Variants in PHF8 observed in about 807,000 individuals in gnomAD.
PHF8 encodes the protein histone lysine demethylase PHF8.
In PHF8, 9 loss-of-function variants were observed where a neutral mutation model predicts 74.4. That is an observed-to-expected ratio of 0.12 (90% CI 0.07 to 0.21). The LOEUF (loss-of-function observed/expected upper bound fraction) is 0.21. Ranked by LOEUF, PHF8 falls within the 10% of genes least tolerant of loss-of-function variation. The pLI, the probability that PHF8 is intolerant of heterozygous loss-of-function variation, is 1.00. For missense variants in PHF8, 478 were observed against 816.6 expected, an observed-to-expected ratio of 0.59 and a Z score of 5.05; for synonymous variants, 311 against 316.6, an observed-to-expected ratio of 0.98 and a Z score of 0.19.
In PHF8 at chrX:53,992,858, C is replaced by T; in HGVS notation, c.1627-19G>A. 1 of 1,023,043 alleles carries T rather than the reference C, an allele frequency of 9.8e-7. No homozygotes were observed. The highest frequency in any genetic ancestry group is 1.4e-6 in the Non-Finnish European group (1 of 726,556). The allele number at this position is 1,023,043 out of a possible 1,213,427, so 84.3% of individuals were successfully genotyped here. ...TGTTGAACTGTAGAAGTAGGAGACT[C>T]AGCCGTTACCTGTCTGGGACTCCCA... On this transcript the variant is annotated intron_variant, in intron 13 of 21. Coordinates refer to ENST00000338154, the MANE Select transcript of PHF8 (RefSeq NM_015107.3).
chrX:53,978,751 T>A lies in PHF8; in HGVS notation c.2443+6163A>T, dbSNP rs1338162362. Among the ~76,000 whole-genome samples the A allele has an allele frequency of 1.8e-4, 17 of 94,972 alleles. No homozygotes were observed. The Admixed American group carries it at 2.0e-3, about 11-fold the overall frequency. The allele number at this position is 94,972 out of a possible 115,157, so 82.5% of individuals were successfully genotyped here. ...AGGCAGAGGTTGCAGTGAGCCAAGA[T>A]CACGCCATTGCCCTCCAGCCCAGGC... On this transcript the variant is annotated intron_variant, in intron 18 of 21. Coordinates refer to ENST00000338154, the MANE Select transcript of PHF8 (RefSeq NM_015107.3).
chrX:53,964,962 G>A (rs1282055226), intron 18 of PHF8, among the ~76,000 whole-genome samples: 1 of 110,291 alleles, frequency 9.1e-6, no homozygotes, highest in Non-Finnish European at 1.9e-5. Context: ...TACAGTTTAA[G>A]TGTTGCAAGA....
At chrX:54,030,156 A>T (rs2066331186) in intron 2 of PHF8, among the ~76,000 whole-genome samples, 1 of 111,274 alleles carries the variant, frequency 9.0e-6, no homozygotes, top group African/African-American at 3.3e-5. Flanking sequence ...GTCTGTCCCC[A>T]CTACATTTGC....
chrX:53,949,205 C>T (rs781877176), intron 19 of PHF8, among the ~76,000 whole-genome samples: 121 of 110,378 alleles, frequency 1.1e-3, no homozygotes, highest in African/African-American at 3.5e-3. Context: ...TGTGGTGGCA[C>T]GTGCCTGTAA....
rs782044481 is a variant in PHF8 at position 53,987,172 on chromosome X, C to T, written c.1910-9G>A. On this transcript the variant is annotated splice_polypyrimidine_tract_variant and intron_variant, in intron 15 of 21. Transcript: ENST00000338154. ...CAATTTCCGGGGAAATTCTAGAAAA[C>T]AATGGAATGCACTTATTATGAAGCT... 9.2e-7 allele frequency: 1 copy of T among 1,081,681 alleles called. No individual in the cohort carries two copies. Among genetic ancestry groups the T allele is most frequent in the Admixed American group, 2.2e-5 (1 of 45,765 alleles). The allele number at this position is 1,081,681 out of a possible 1,213,427, so 89.1% of individuals were successfully genotyped here. A position where few individuals can be genotyped will look rare whatever the true frequency, so the allele number is the denominator to read the frequency against.
chrX:53,956,063 A>G (rs1418286766), intron 19 of PHF8, among the ~76,000 whole-genome samples: 1 of 111,106 alleles, frequency 9.0e-6, no homozygotes, highest in East Asian at 2.8e-4. Context: ...CCTAGCCAAC[A>G]TGGTAAAATC....
intron 2 of PHF8, among the ~76,000 whole-genome samples, chrX:54,027,922 GA>G (rs1256494703): frequency 9.5e-6 from 1 of 105,095 alleles, no homozygotes; most frequent in African/African-American, 3.5e-5. Context: ...GACCTAGGTA[GA>G]AAAAAAAACA....
At chrX:53,995,888 A>G in intron 11 of PHF8, 106 bp from the exon 12 acceptor site, 1 of 475,531 alleles carries the variant, frequency 2.1e-6, no homozygotes, top group South Asian at 3.2e-5. Flanking sequence ...CTTTTCAACA[A>G]ATGATTCTGG....
chrX:54,018,720 A>C (rs2066114684), intron 4 of PHF8, among the ~76,000 whole-genome samples: 1 of 109,793 alleles, frequency 9.1e-6, no homozygotes, highest in Non-Finnish European at 1.9e-5. Flanking sequence ...TCCAGGGTTC[A>C]AGCGATTCTC....
At chrX:54,002,289 A>C in intron 9 of PHF8, 28 bp from the exon 10 acceptor site, 1 of 948,299 alleles carries the variant, frequency 1.1e-6, no homozygotes, top group Non-Finnish European at 1.5e-6. Flanking sequence ...CAACAACAAA[A>C]ACAAGGATTC....
chrX:54,020,266 C>T (rs2066147890), intron 4 of PHF8, among the ~76,000 whole-genome samples: 1 of 112,333 alleles, frequency 8.9e-6, no homozygotes, highest in African/African-American at 3.2e-5. Context: ...ACCCTCCGCA[C>T]ATTATCTGTG....
At chrX:53,982,748 T>C (rs1557098410) in intron 18 of PHF8, among the ~76,000 whole-genome samples, 1 of 112,116 alleles carries the variant, frequency 8.9e-6, no homozygotes, top group Non-Finnish European at 1.9e-5. Context: ...ACTACTGATG[T>C]GGAAAAAAAT....
At chrX:54,036,117 A>G (rs1487450665) in intron 2 of PHF8, among the ~76,000 whole-genome samples, 3 of 108,871 alleles carry the variant, frequency 2.8e-5, no homozygotes, top group Non-Finnish European at 5.7e-5. Context: ...AAAAAAAAAA[A>G]AAAGAAAAGA....
At chrX:53,949,248 T>A (rs781823053) in intron 19 of PHF8, among the ~76,000 whole-genome samples, 61 of 109,932 alleles carry the variant, frequency 5.5e-4, no homozygotes, top group African/African-American at 1.8e-3. Flanking sequence ...GGCAGGAGAA[T>A]CACTTGAACC....
intron 19 of PHF8, among the ~76,000 whole-genome samples, chrX:53,960,738 C>T (rs1365676753): frequency 7.4e-5 from 8 of 108,456 alleles, no homozygotes; most frequent in Admixed American, 7.0e-4. Flanking sequence ...CAGAGCTAGA[C>T]TCCATTTAAA....
chrX:54,048,576 AG>A (rs1196694768), upstream of PHF8, among the ~76,000 whole-genome samples: 1 of 112,154 alleles, frequency 8.9e-6, no homozygotes, highest in Non-Finnish European at 1.9e-5. Context: ...CAAAGCTGCC[AG>A]GGGTCTGAAC....
At chrX:53,964,292 T>A (rs1316512642) in intron 18 of PHF8, among the ~76,000 whole-genome samples, 2 of 110,362 alleles carry the variant, frequency 1.8e-5, no homozygotes, top group Non-Finnish European at 3.8e-5. Context: ...AGATGACGGG[T>A]TGATGGGTGC....
At chrX:54,032,511 T>C (rs986920044) in intron 2 of PHF8, among the ~76,000 whole-genome samples, 1 of 110,676 alleles carries the variant, frequency 9.0e-6, no homozygotes, top group Non-Finnish European at 1.9e-5. Flanking sequence ...CATGGTTCCC[T>C]TCCTCGCTTT....
chrX:53,946,993 G>C (rs1443457726), intron 19 of PHF8, among the ~76,000 whole-genome samples: 1 of 111,539 alleles, frequency 9.0e-6, no homozygotes, highest in Admixed American at 9.6e-5. Flanking sequence ...GGATATATAG[G>C]AGCTCAATGA....
Sources: gnomAD v4.1 joint callset for allele counts (sites outside exome capture counted in the v4.1 genomes callset) on GRCh38, gnomAD v4.1.1 for gene constraint, MANE v1.5 for transcripts, NCBI Gene and HGNC (gene_info 2026-07-23, HGNC 2026-07-21) for gene names.